POU6F2: variants seen among roughly 807,000 people sequenced by gnomAD.
POU6F2 encodes the protein POU class 6 homeobox 2, also known as POU domain, class 6, transcription factor 2.
Under a neutral mutation model 71.3 loss-of-function variants are expected in POU6F2, and 31 were observed. That is an observed-to-expected ratio of 0.43 (90% CI 0.33 to 0.59). The LOEUF is 0.59. Among genes scored for constraint, POU6F2 ranks in the 20% least tolerant of loss-of-function variants. The probability of loss-of-function intolerance (pLI) is 0.04; values close to 1 mark genes in which losing one functional copy is unlikely to be tolerated. For synonymous variants in POU6F2, 347 were observed against 355.7 expected, an observed-to-expected ratio of 0.98 and a Z score of 0.27; for missense variants, 783 against 856.8, an observed-to-expected ratio of 0.91 and a Z score of 1.07.
chr7:39,031,424 A>G (rs1584509007), intron 1 of POU6F2, among the ~76,000 whole-genome samples: 1 of 152,252 alleles, frequency 6.6e-6, no homozygotes, highest in South Asian at 2.1e-4. Context: ...AATTAAAACA[A>G]TGTCAGTGAA....
intron 2 of POU6F2, among the ~76,000 whole-genome samples, chr7:39,195,537 C>A (rs1160929220): frequency 6.6e-6 from 1 of 152,072 alleles, no homozygotes; most frequent in Admixed American, 6.6e-5. Context: ...TAATTTTGGT[C>A]TGAGCCAAGC....
intron 1 of POU6F2, among the ~76,000 whole-genome samples, chr7:39,016,717 A>G (rs1203259365): frequency 6.6e-6 from 1 of 152,180 alleles, no homozygotes; most frequent in Non-Finnish European, 1.5e-5. Context: ...ATCAGTGAGT[A>G]TATCAGGGAG....
At chr7:39,410,398 G>A (rs1386704281) in intron 6 of POU6F2, among the ~76,000 whole-genome samples, 1 of 152,240 alleles carries the variant, frequency 6.6e-6, no homozygotes, top group Non-Finnish European at 1.5e-5. Flanking sequence ...CCACTCTGAG[G>A]TGGGAAGGTA....
chr7:39,363,784 T>C (rs974893638), intron 5 of POU6F2, among the ~76,000 whole-genome samples: 4 of 151,932 alleles, frequency 2.6e-5, no homozygotes, highest in South Asian at 2.1e-4. Context: ...AATTTGAGAA[T>C]TAACCATTGG....
At chr7:39,051,909 A>G (rs1240437919) in intron 1 of POU6F2, among the ~76,000 whole-genome samples, 1 of 152,056 alleles carries the variant, frequency 6.6e-6, no homozygotes, top group African/African-American at 2.4e-5. Context: ...CATGCACAAT[A>G]CTGTGTGGTT....
intron 4 of POU6F2, among the ~76,000 whole-genome samples, chr7:39,247,594 GA>G (rs1290842524): frequency 6.6e-6 from 1 of 152,182 alleles, no homozygotes; most frequent in Non-Finnish European, 1.5e-5. Flanking sequence ...GATTCAACTT[GA>G]GGACTCAGAA....
intron 5 of POU6F2, 111 bp downstream of exon 5, chr7:39,340,126 C>A: frequency 1.5e-6 from 2 of 1,371,702 alleles, no homozygotes; most frequent in Non-Finnish European, 1.9e-6. Flanking sequence ...TCCAGTTCTG[C>A]AGCATCTAAT....
Position 39,450,848 on chromosome 7 carries a change from C to G in POU6F2, c.1321-685C>G, listed in dbSNP as rs118052837. On this transcript the variant is annotated intron_variant, in intron 7 of 9. Coordinates refer to ENST00000518318, the MANE Select transcript of POU6F2 (RefSeq NM_001370959.1). The stretch of plus-strand genomic sequence containing the variant: ...AGGGGTGGAAATAGTACCCACACCA[C>G]AGGCTGATAGGAAAATTAGTCAATG... 8.5e-3 allele frequency among the ~76,000 whole-genome samples: 1,290 copies of G among 152,278 alleles called. 7 individuals are homozygous for G. The highest frequency in any genetic ancestry group is 0.031 in the Middle Eastern group (9 of 294).
chr7:39,367,381 G>A (rs1265150036), intron 5 of POU6F2, among the ~76,000 whole-genome samples: 1 of 152,132 alleles, frequency 6.6e-6, no homozygotes, highest in Non-Finnish European at 1.5e-5. Context: ...GACACAGAAT[G>A]GAAGAATATC....
chr7:39,213,065 G>C (rs551085984), intron 4 of POU6F2, among the ~76,000 whole-genome samples: 3 of 152,308 alleles, frequency 2.0e-5, no homozygotes, highest in African/African-American at 7.2e-5. Context: ...AATCACTGTA[G>C]GCAACATGAA....
At chr7:39,105,266 G>A (rs1271165255) in intron 2 of POU6F2, among the ~76,000 whole-genome samples, 1 of 152,018 alleles carries the variant, frequency 6.6e-6, no homozygotes. Flanking sequence ...AACTCTTTAT[G>A]TCTACCACTA....
At chr7:39,457,637 T>G (rs1788834547) in intron 8 of POU6F2, among the ~76,000 whole-genome samples, 3 of 152,198 alleles carry the variant, frequency 2.0e-5, no homozygotes, top group Admixed American at 2.0e-4. Flanking sequence ...AAAGATTTCT[T>G]TCTGTAGTTG....
At chr7:38,989,306 T>C (rs183622635) in intron 1 of POU6F2, among the ~76,000 whole-genome samples, 2 of 152,264 alleles carry the variant, frequency 1.3e-5, no homozygotes, top group East Asian at 1.9e-4. Flanking sequence ...AGTACAGAGA[T>C]GTATAAATTC....
intron 4 of POU6F2, among the ~76,000 whole-genome samples, chr7:39,259,041 A>G (rs1241341986): frequency 1.3e-5 from 2 of 152,200 alleles, no homozygotes; most frequent in Admixed American, 6.5e-5. Context: ...CTGAAGGCTC[A>G]TGTAACTTGT....
intron 1 of POU6F2, among the ~76,000 whole-genome samples, chr7:38,989,635 C>A (rs1788550218): frequency 6.6e-6 from 1 of 152,002 alleles, no homozygotes; most frequent in Non-Finnish European, 1.5e-5. Flanking sequence ...TTGGAAATAT[C>A]TGTTAAAAGT....
intron 5 of POU6F2, among the ~76,000 whole-genome samples, chr7:39,388,972 T>C (rs1170321154): frequency 2.0e-5 from 3 of 152,236 alleles, no homozygotes; most frequent in Non-Finnish European, 4.4e-5. Flanking sequence ...TCTACATTTC[T>C]TGGGCTTATT....
intron 4 of POU6F2, among the ~76,000 whole-genome samples, chr7:39,238,682 A>C (rs1203585421): frequency 1.3e-5 from 2 of 152,130 alleles, no homozygotes; most frequent in East Asian, 3.9e-4. Context: ...GTTTATTGCT[A>C]TTGTGACCAT....
intron 2 of POU6F2, among the ~76,000 whole-genome samples, chr7:39,142,209 A>G (rs1300117898): frequency 6.6e-6 from 1 of 152,194 alleles, no homozygotes; most frequent in Non-Finnish European, 1.5e-5. Flanking sequence ...GTGAAGAGCA[A>G]ATGGTACATG....
chr7:39,114,404 A>G (rs1452180003), intron 2 of POU6F2, among the ~76,000 whole-genome samples: 1 of 152,164 alleles, frequency 6.6e-6, no homozygotes, highest in Non-Finnish European at 1.5e-5. Context: ...GGTGAGTCTT[A>G]AAACCCCTTT....
Sources: gnomAD v4.1 joint callset for allele counts (sites outside exome capture counted in the v4.1 genomes callset) on GRCh38, gnomAD v4.1.1 for gene constraint, MANE v1.5 for transcripts, NCBI Gene and HGNC (gene_info 2026-07-23, HGNC 2026-07-21) for gene names.